KLF15: variants seen among roughly 807,000 people sequenced by gnomAD.
The protein encoded by KLF15 is KLF transcription factor 15, also known as Krueppel-like factor 15.
A neutral mutation model predicts 24.6 loss-of-function variants in KLF15; 4 were observed. The ratio of observed to expected loss-of-function variants is 0.16; its 90% CI spans 0.08 to 0.37. The LOEUF is 0.37. KLF15 is among the 10% of genes least tolerant of loss of function. The pLI, the probability that KLF15 is intolerant of heterozygous loss-of-function variation, is 1.00. For synonymous variants in KLF15, 246 were observed against 236.3 expected (o/e 1.04, Z -0.37); for missense variants, 496 against 560.6 (o/e 0.88, Z 1.16).
the KLF15 span, among the ~76,000 whole-genome samples, chr3:126,329,316 A>G: frequency 6.6e-6 from 1 of 152,124 alleles, no homozygotes; most frequent in Admixed American, 6.6e-5. Flanking sequence ...ATAACACCAC[A>G]TTAAAAAAAT....
the KLF15 span, among the ~76,000 whole-genome samples, chr3:126,333,808 A>T: frequency 1.4e-5 from 2 of 139,102 alleles, no homozygotes; most frequent in Non-Finnish European, 3.1e-5. Flanking sequence ...ACCAACAAAG[A>T]TCAAAAGAGA....
At chr3:126,323,403 T>TTA in the KLF15 span, among the ~76,000 whole-genome samples, 42 of 50,828 alleles carry the variant, frequency 8.3e-4, no homozygotes, top group African/African-American at 2.3e-3. Flanking sequence ...GCCCCAGTAG[T>TTA]TATATATATA....
At chr3:126,341,214 G>A (rs187942116), downstream of KLF15, among the ~76,000 whole-genome samples, 27 of 152,284 alleles carry the variant, frequency 1.8e-4, no homozygotes, top group South Asian at 6.2e-4. Context: ...GTGCAAGCCT[G>A]GAAGCCCAGA....
chr3:126,305,138 C>T, the KLF15 span, among the ~76,000 whole-genome samples: 1 of 152,178 alleles, frequency 6.6e-6, no homozygotes, highest in African/African-American at 2.4e-5. Flanking sequence ...ACATCTTAGG[C>T]CACACGATGA....
rs752465758 is a variant in KLF15 at position 126,352,655 on chromosome 3, C to T, written c.268G>A (p.Gly90Arg). 46 of 1,599,040 alleles carry T rather than the reference C, an allele frequency of 2.9e-5. No homozygotes were observed. Among genetic ancestry groups the T allele is most frequent in the Middle Eastern group, 1.7e-4 (1 of 6,032 alleles). ...LLSQATLGSGGGSGSSIGASS... is the reference protein window; with the variant it reads ...LLSQATLGSGRGSGSSIGASS... ...GCCCCAATGCTACTGCCGCTGCCCC[C>T]GCCACTGCCCAGCGTGGCCTGGGAC... Residue 90 changes from glycine to arginine, a missense_variant, in exon 2 of 3, where the codon GGG becomes AGG. Coordinates refer to ENST00000296233, the MANE Select transcript of KLF15 (RefSeq NM_014079.4).
chr3:126,326,098 T>A, the KLF15 span, among the ~76,000 whole-genome samples: 1 of 49,062 alleles, frequency 2.0e-5, no homozygotes, highest in African/African-American at 8.6e-5. Flanking sequence ...TTTTCTCAGG[T>A]TTGTCAAAGA....
chr3:126,289,527 G>A, the KLF15 span, among the ~76,000 whole-genome samples: 4 of 152,284 alleles, frequency 2.6e-5, no homozygotes, highest in African/African-American at 4.8e-5. Context: ...CAAAGTAACC[G>A]GCCCCTAAAT....
At chr3:126,315,970 A>C in the KLF15 span, among the ~76,000 whole-genome samples, 1 of 152,178 alleles carries the variant, frequency 6.6e-6, no homozygotes, top group Admixed American at 6.5e-5. Context: ...GGAGGTTTTT[A>C]AGATTCTAGA....
chr3:126,353,446 G>C lies in KLF15; in HGVS notation c.-25-499C>G, dbSNP rs913293342. On this transcript the variant is annotated intron_variant, in intron 1 of 2. Coordinates refer to ENST00000296233, the MANE Select transcript of KLF15 (RefSeq NM_014079.4). ...CCCTCATGTTGCTGAGGCTTCCAGAGGGTTGCCAGATTACGCAAATAAAAA... is the reference window on the plus strand; with the variant it reads ...CCCTCATGTTGCTGAGGCTTCCAGACGGTTGCCAGATTACGCAAATAAAAA... Among the ~76,000 whole-genome samples the C allele has an allele frequency of 6.6e-5, 10 of 152,276 alleles. No homozygotes were observed. In the East Asian group the frequency reaches 1.9e-3, roughly 29 times the overall value.
the KLF15 span, among the ~76,000 whole-genome samples, chr3:126,316,024 G>A: frequency 6.6e-6 from 1 of 152,224 alleles, no homozygotes; most frequent in Non-Finnish European, 1.5e-5. Context: ...TCCCACTGCT[G>A]TCTGTCTCTG....
chr3:126,323,427 ATATATATAACATATATATGT>A, the KLF15 span, among the ~76,000 whole-genome samples: 46 of 42,346 alleles, frequency 1.1e-3, no homozygotes, highest in African/African-American at 1.4e-3. Context: ...ATATATATAT[ATATATATAACATATATATGT>A]TATATATATA....
chr3:126,352,188 A>G lies in KLF15; in HGVS notation c.735T>C (p.Asn245=). ...TGACCAGGAGCTGGGCAACCTTGAC[A>G]TTCTCTGGGGCTTGCCCAGGGGAGG... is the stretch of plus-strand genomic sequence containing the variant. The part of the protein sequence containing the change: ...GPASPGQAPE[N]VKVAQLLVNI... Residue 245 remains asparagine, a synonymous_variant, in exon 2 of 3, where the codon AAT becomes AAC. Coordinates refer to ENST00000296233, the MANE Select transcript of KLF15 (RefSeq NM_014079.4). The G allele has an allele frequency of 6.4e-7, 1 of 1,568,796 alleles. No individual in the cohort carries two copies. Among genetic ancestry groups the G allele is most frequent in the South Asian group, 1.2e-5 (1 of 82,326 alleles).
At chr3:126,315,316 C>T in the KLF15 span, among the ~76,000 whole-genome samples, 1 of 152,164 alleles carries the variant, frequency 6.6e-6, no homozygotes, top group African/African-American at 2.4e-5. Flanking sequence ...GGCTGTAACT[C>T]CCAGTACAGT....
At chr3:126,300,360 A>T in the KLF15 span, among the ~76,000 whole-genome samples, 1 of 152,112 alleles carries the variant, frequency 6.6e-6, no homozygotes, top group South Asian at 2.1e-4. Flanking sequence ...CCTCGCAGGC[A>T]CTTCCATCTG....
In KLF15 at chr3:126,352,010, T is replaced by G; in HGVS notation, c.913A>C (p.Met305Leu). The change falls in exon 2 of 3, where the codon ATG becomes CTG. Residue 305 changes from methionine to leucine, a missense_variant. Transcript: ENST00000296233. ...GGGTTCTTGGGGAACTTCTGGCCCA[T>G]GAGGAGACCGGCAGGGCCAGGCCCC... The part of the protein sequence containing the change: ...PLGPGPAGLL[M>L]GQKFPKNPAA... The G allele has an allele frequency of 6.4e-7, 1 of 1,559,676 alleles. No homozygotes were observed. The highest frequency in any genetic ancestry group is 8.7e-7 in the Non-Finnish European group (1 of 1,151,990).
the KLF15 span, among the ~76,000 whole-genome samples, chr3:126,310,054 G>T: frequency 4.6e-5 from 7 of 152,230 alleles, no homozygotes; most frequent in African/African-American, 1.7e-4. Context: ...CATTTGGCCT[G>T]GTGAGGGCTT....
the KLF15 span, among the ~76,000 whole-genome samples, chr3:126,316,904 C>T: frequency 6.6e-6 from 1 of 152,128 alleles, no homozygotes; most frequent in African/African-American, 2.4e-5. Flanking sequence ...GGCATGAGAA[C>T]ATGTGCTCCT....
chr3:126,321,170 C>T, the KLF15 span, among the ~76,000 whole-genome samples: 5 of 152,188 alleles, frequency 3.3e-5, no homozygotes, highest in South Asian at 1.0e-3. Context: ...AGTTTGATGT[C>T]TTCTGCAGAG....
At chr3:126,303,039 T>C in the KLF15 span, among the ~76,000 whole-genome samples, 1 of 152,164 alleles carries the variant, frequency 6.6e-6, no homozygotes, top group Admixed American at 6.5e-5. Context: ...ATAACTGTTA[T>C]TTTAATGGTT....
Sources: gnomAD v4.1 joint callset for allele counts (sites outside exome capture counted in the v4.1 genomes callset) on GRCh38, gnomAD v4.1.1 for gene constraint, MANE v1.5 for transcripts, NCBI Gene and HGNC (gene_info 2026-07-23, HGNC 2026-07-21) for gene names.